DENND3: variants seen among roughly 807,000 people sequenced by gnomAD.
The protein encoded by DENND3 is DENN domain containing 3.
DENND3 carries 88 observed loss-of-function variants against 135.1 expected under a neutral mutation model. That is an observed-to-expected ratio of 0.65 (90% CI 0.55 to 0.78). The LOEUF is 0.78. DENND3 is among the 30% of genes least tolerant of loss of function. DENND3 has a pLI of 0.00. For missense variants in DENND3, 1,392 were observed against 1,688.4 expected, an observed-to-expected ratio of 0.82 and a Z score of 3.08; for synonymous variants, 693 against 712.3, an observed-to-expected ratio of 0.97 and a Z score of 0.43.
chr8:141,170,378 T>C (rs1000922312), intron 13 of DENND3, among the ~76,000 whole-genome samples: 3 of 152,074 alleles, frequency 2.0e-5, no homozygotes, highest in Admixed American at 2.0e-4. Flanking sequence ...TGTATGTGTG[T>C]ATATGAATGT....
intron 18 of DENND3, among the ~76,000 whole-genome samples, chr8:141,185,688 T>C (rs1054564432): frequency 6.6e-6 from 1 of 151,658 alleles, no homozygotes; most frequent in Non-Finnish European, 1.5e-5. Flanking sequence ...TAGCCGGGCA[T>C]GGTGGAGCGT....
Position 141,180,831 on chromosome 8 carries a change from T to A in DENND3, c.2921T>A (p.Val974Glu). ...PSAGEAFPQA[V>E]DVLLYTPGHL... ...GCGGGGGAGGCGTTCCCACAAGCGGTGGACGTGCTGCTCTACACTCCAGGT... is the reference window on the plus strand; with the variant it reads ...GCGGGGGAGGCGTTCCCACAAGCGGAGGACGTGCTGCTCTACACTCCAGGT... Residue 974 changes from valine to glutamate, a missense_variant, in exon 17 of 23, where the codon GTG (valine) becomes GAG (glutamate). By Grantham distance (121) the Val-to-Glu change is moderately radical. Coordinates refer to ENST00000519811, the MANE Select transcript of DENND3 (RefSeq NM_001352890.3). 1.2e-6 allele frequency: 2 copies of A among 1,612,738 alleles called. No homozygotes were observed. The highest frequency in any genetic ancestry group is 1.7e-6 in the Non-Finnish European group (2 of 1,179,432).
intron 18 of DENND3, among the ~76,000 whole-genome samples, chr8:141,186,556 G>A (rs370367489): frequency 5.3e-5 from 8 of 152,276 alleles, no homozygotes; most frequent in African/African-American, 9.6e-5. Flanking sequence ...ATCAGCGATC[G>A]TTAATGTTAG....
Position 141,144,337 on chromosome 8 carries a change from A to C in DENND3, c.735+78A>C. 7.7e-7 allele frequency: 1 copy of C among 1,306,854 alleles called. No homozygotes were observed. Among genetic ancestry groups the C allele is most frequent in the Non-Finnish European group, 1.1e-6 (1 of 950,124 alleles). 81.0% of individuals were successfully genotyped at this position (1,306,854 alleles called of 1,614,324 possible). On this transcript the variant is annotated intron_variant, in intron 5 of 22. Coordinates refer to ENST00000519811, the MANE Select transcript of DENND3 (RefSeq NM_001352890.3). This position sits in a 1 kb window ranked among gnomAD's most constrained non-coding sequence, Gnocchi z 4.4. ...GATGTTGAAGATAATGTAAATGCTCACAACTATTTCTGAAGTTCTAGCTGT... is the reference window on the plus strand; with the variant it reads ...GATGTTGAAGATAATGTAAATGCTCCCAACTATTTCTGAAGTTCTAGCTGT...
intron 19 of DENND3, among the ~76,000 whole-genome samples, 162 bp from the exon 20 acceptor site, chr8:141,190,122 C>CGTTTGCAGGTTATTAT (rs894070526): frequency 8.8e-6 from 1 of 113,506 alleles, no homozygotes; most frequent in Non-Finnish European, 1.9e-5. Context: ...TTGCAGGTTA[C>CGTTTGCAGGTTATTAT]GTTTGCAGGT....
chr8:141,151,568 T>A (rs1347436038), intron 6 of DENND3, 51 bp from the exon 7 acceptor site: 5 of 217,248 alleles, frequency 2.3e-5, no homozygotes, highest in African/African-American at 1.7e-4. Flanking sequence ...CCTGTCTGTA[T>A]TTTTTTTTTT....
At position 141,138,610 on chromosome 8, in the gene DENND3, T is replaced by A. The variant is rs542791803; in HGVS notation, c.501+473T>A. Among the ~76,000 whole-genome samples, 6 of 152,272 alleles carry A rather than the reference T, an allele frequency of 3.9e-5. No individual in the cohort carries two copies. The East Asian group carries it at 1.2e-3, about 29-fold the overall frequency. On this transcript the variant is annotated intron_variant, in intron 3 of 22. Transcript: ENST00000519811. The surrounding 1 kb of genome is among the most constrained non-coding windows in gnomAD (Gnocchi z 4.8). ...CATGTTGGCCGGGCTGGTTTCGAAC[T>A]CCTGACCTCAGGTGATCCACCCGCC...
chr8:141,157,623 T>C lies in DENND3; in HGVS notation c.1196+1653T>C, dbSNP rs371306288. The C allele has an allele frequency of 3.2e-4, 315 of 986,074 alleles. 5 individuals are homozygous for C. In the South Asian group the frequency reaches 0.01, roughly 31 times the overall value. 61.1% of individuals were successfully genotyped at this position (986,074 alleles called of 1,614,324 possible). The stretch of plus-strand genomic sequence containing the variant: ...TTCTCTTCGCCTTCCTTTGTCTGCA[T>C]TGGGAGGAGTGGGAAGGAGGAGGGC... On this transcript the variant is annotated intron_variant, in intron 8 of 22. Transcript: ENST00000519811.
At position 141,168,081 on chromosome 8, in the gene DENND3, C is replaced by T; in HGVS notation, c.1831C>T (p.Gln611Ter). Residue 611 changes from glutamine (Q) to a stop codon, truncating the protein, a stop_gained, in exon 13 of 23, where the codon CAG becomes TAG. Coordinates refer to ENST00000519811, the MANE Select transcript of DENND3 (RefSeq NM_001352890.3). LOFTEE classifies it high-confidence loss of function. This position sits in a 1 kb window ranked among gnomAD's most constrained non-coding sequence, Gnocchi z 6.2. ...CTTTCCGCTGGAGAGCAAGTGCGTGCAGGCATACCATGCCCACTTTGTCTC... is the reference window on the plus strand; with the variant it reads ...CTTTCCGCTGGAGAGCAAGTGCGTGTAGGCATACCATGCCCACTTTGTCTC... Reference protein sequence around the residue: ...IHFPLESKCVQAYHAHFVSML... With the variant: ...IHFPLESKCV 6.2e-7 allele frequency: 1 copy of T among 1,614,168 alleles called. No individual in the cohort carries two copies. Among genetic ancestry groups the T allele is most frequent in the Non-Finnish European group, 8.5e-7 (1 of 1,180,042 alleles).
In DENND3 at chr8:141,167,363, T is replaced by C. The variant is rs1467122327; in HGVS notation, c.1754-641T>C. Among the ~76,000 whole-genome samples, 2 of 152,160 alleles carry C rather than the reference T, an allele frequency of 1.3e-5. No individual in the cohort carries two copies. The highest frequency in any genetic ancestry group is 1.5e-5 in the Non-Finnish European group (1 of 68,010). ...TTTCCCTGCCCTCGGAACCTTCCCCTGGAGCCCCCATGACCCTCCTCCTGC... is the reference window on the plus strand; with the variant it reads ...TTTCCCTGCCCTCGGAACCTTCCCCCGGAGCCCCCATGACCCTCCTCCTGC... On this transcript the variant is annotated intron_variant, in intron 12 of 22. Transcript: ENST00000519811. This position sits in a 1 kb window ranked among gnomAD's most constrained non-coding sequence, Gnocchi z 4.1.
In DENND3 at chr8:141,128,681, G is replaced by C. The variant is rs546780322; in HGVS notation, c.-27G>C. 1 of 1,343,798 alleles carries C rather than the reference G, an allele frequency of 7.4e-7. No individual in the cohort carries two copies. The highest frequency in any genetic ancestry group is 3.1e-5 in the East Asian group (1 of 31,760). 83.2% of individuals were successfully genotyped at this position (1,343,798 alleles called of 1,614,324 possible). On this transcript the variant is annotated 5_prime_UTR_variant, in exon 1 of 23. Coordinates refer to ENST00000519811, the MANE Select transcript of DENND3 (RefSeq NM_001352890.3). The surrounding 1 kb of genome is among the most constrained non-coding windows in gnomAD (Gnocchi z 4.5). Reference sequence around the variant, plus strand: ...CTGCGCGGCTGAGGCGCCCGAGTGCGGTACTGGCGGCGGGCGGCGGGCAGC... The same window carrying C: ...CTGCGCGGCTGAGGCGCCCGAGTGCCGTACTGGCGGCGGGCGGCGGGCAGC...
Position 141,160,774 on chromosome 8 carries a change from G to A in DENND3, c.1339G>A (p.Val447Met), listed in dbSNP as rs768750945. The A allele has an allele frequency of 5.6e-6, 9 of 1,610,602 alleles. No homozygotes were observed. Among genetic ancestry groups the A allele is most frequent in the Middle Eastern group, 1.6e-4 (1 of 6,072 alleles). The change falls in exon 9 of 23, where the codon GTG (valine) becomes ATG (methionine). Residue 447 changes from valine (V) to methionine (M), a missense_variant. Coordinates refer to ENST00000519811, the MANE Select transcript of DENND3 (RefSeq NM_001352890.3). ...QIQQTTLQLL[V>M]SIFRDVKNHL... ...ACAGCAGACCACCCTGCAGCTGCTC[G>A]TGAGCATCTTCAGGTACGTGAGAGA...
At chr8:141,159,542 TC>T (rs1819880256) in intron 8 of DENND3, among the ~76,000 whole-genome samples, 1 of 152,198 alleles carries the variant, frequency 6.6e-6, no homozygotes, top group South Asian at 2.1e-4. Flanking sequence ...CCTCATTATC[TC>T]CTGTTTTCTT....
In DENND3 at chr8:141,154,773, G is replaced by A. The variant is rs572683525; in HGVS notation, c.1075-1076G>A. Among the ~76,000 whole-genome samples, 3 of 152,278 alleles carry A rather than the reference G, an allele frequency of 2.0e-5. No homozygotes were observed. In the East Asian group the frequency reaches 5.8e-4, roughly 29 times the overall value. On this transcript the variant is annotated intron_variant, in intron 7 of 22. Coordinates refer to ENST00000519811, the MANE Select transcript of DENND3 (RefSeq NM_001352890.3). This position sits in a 1 kb window ranked among gnomAD's most constrained non-coding sequence, Gnocchi z 4.4. ...AGACGAGGTTTCACCATGTTGGCCA[G>A]GCTGGTCTCAAACTCCTGATCTCAG... is the stretch of plus-strand genomic sequence containing the variant.
At chr8:141,134,063 A>C (rs1816477931) in intron 1 of DENND3, among the ~76,000 whole-genome samples, 1 of 151,994 alleles carries the variant, frequency 6.6e-6, no homozygotes, top group African/African-American at 2.4e-5. Flanking sequence ...GACCAAGGGA[A>C]ACCAGAAGGG....
At position 141,166,695 on chromosome 8, in the gene DENND3, A is replaced by G. The variant is rs542307602; in HGVS notation, c.1753+306A>G. On this transcript the variant is annotated intron_variant, in intron 12 of 22. Transcript: ENST00000519811. The surrounding 1 kb of genome is among the most constrained non-coding windows in gnomAD (Gnocchi z 4.3). ...GTGTGGATTGCATGTGTATAAATACATATTTACACATCCACACGTGTGATA... is the reference window on the plus strand; with the variant it reads ...GTGTGGATTGCATGTGTATAAATACGTATTTACACATCCACACGTGTGATA... 3.3e-5 allele frequency among the ~76,000 whole-genome samples: 5 copies of G among 152,306 alleles called. No individual in the cohort carries two copies. Among genetic ancestry groups the G allele is most frequent in the African/African-American group, 1.2e-4 (5 of 41,562 alleles).
chr8:141,145,830 TATATATATATA>T lies in DENND3; in HGVS notation c.735+1572_735+1582del, dbSNP rs1818004991. On this transcript the variant is annotated intron_variant, in intron 5 of 22. Coordinates refer to ENST00000519811, the MANE Select transcript of DENND3 (RefSeq NM_001352890.3). ...ATATATATATATATATATATATATA[TATATATATATA>T]TATATATATGTATTTTTTTTTTTTT... Among the ~76,000 whole-genome samples, 12 of 86,876 alleles carry T rather than the reference TATATATATATA, an allele frequency of 1.4e-4. 1 individual carries two copies. The highest frequency in any genetic ancestry group is 7.9e-4 in the African/African-American group (11 of 13,838). The allele number at this position is 86,876 out of a possible 152,430, so 57.0% of individuals were successfully genotyped here.
In DENND3 at chr8:141,169,918, G is replaced by A. The variant is rs565172682; in HGVS notation, c.2275+1393G>A. 6.6e-5 allele frequency among the ~76,000 whole-genome samples: 10 copies of A among 152,300 alleles called. No individual in the cohort carries two copies. In the East Asian group the frequency reaches 1.2e-3, roughly 18 times the overall value. On this transcript the variant is annotated intron_variant, in intron 13 of 22. Transcript: ENST00000519811. ...CACCTGTTTCACCATCAGTGGTGTC[G>A]CACCTGTTTCCTGGAGTATGTGTGG...
chr8:141,178,777 C>T (rs1029739291), intron 16 of DENND3, among the ~76,000 whole-genome samples: 4 of 152,210 alleles, frequency 2.6e-5, no homozygotes, highest in African/African-American at 4.8e-5. Flanking sequence ...ATCTGGCTCT[C>T]GCATTCTGGA....
Sources: gnomAD v4.1 joint callset for allele counts (sites outside exome capture counted in the v4.1 genomes callset) on GRCh38, gnomAD v4.1.1 for gene constraint, Gnocchi (gnomAD v3.1) non-coding constraint, MANE v1.5 for transcripts, NCBI Gene and HGNC (gene_info 2026-07-23, HGNC 2026-07-21) for gene names.